The following KCNQ1OT1 variants were observed in gnomAD, a reference collection of about 807,000 sequenced individuals.
KCNQ1OT1 encodes KCNQ1 opposite strand/antisense transcript 1.
chr11:2,615,381 A>G (rs550543427), exon 1 of KCNQ1OT1: 2 of 398,020 alleles, frequency 5.0e-6, no homozygotes, highest in African/African-American at 2.1e-5. Context: ...GATGCTATTC[A>G]TTTACCTGTT....
At chr11:2,675,022 TGCCAGA>T (rs1410727688) in exon 1 of KCNQ1OT1, 4 of 398,596 alleles carry the variant, frequency 1.0e-5, no homozygotes, top group Non-Finnish European at 1.8e-5. Flanking sequence ...CTGACTTCTC[TGCCAGA>T]GCCCAGGTGG....
At chr11:2,643,845 C>T (rs770361058) in exon 1 of KCNQ1OT1, 9 of 398,506 alleles carry the variant, frequency 2.3e-5, no homozygotes, top group East Asian at 7.1e-5. Context: ...TCATTTCTGA[C>T]GAATATAACT....
In KCNQ1OT1 at chr11:2,677,202, T is replaced by C; in HGVS notation, n.22793A>G. ...TTGTATCTCTGCTGACTGACCTCTT[T>C]GGCTGTCTCTTGTCAACCAAAGACA... On this transcript the variant is annotated non_coding_transcript_exon_variant, in exon 1 of 1. Transcript: ENST00000597346. This position sits in a 1 kb window ranked among gnomAD's most constrained non-coding sequence, Gnocchi z 4.5. 2 of 398,672 alleles carry C rather than the reference T, an allele frequency of 5.0e-6. No individual in the cohort carries two copies. The highest frequency in any genetic ancestry group is 4.4e-6 in the Non-Finnish European group (1 of 226,070). The allele number at this position is 398,672 out of a possible 1,614,324, so 24.7% of individuals were successfully genotyped here. A position where few individuals can be genotyped will look rare whatever the true frequency, so the allele number is the denominator to read the frequency against.
exon 1 of KCNQ1OT1, chr11:2,643,172 G>T (rs1849606261): frequency 7.5e-6 from 3 of 398,120 alleles, no homozygotes; most frequent in Non-Finnish European, 8.9e-6. Flanking sequence ...TGTCTGTTAG[G>T]TCCATTTGGT....
rs774112666 is a variant in KCNQ1OT1, at chr11:2,627,701, T to C, written n.72294A>G. 2.0e-5 allele frequency: 8 copies of C among 398,462 alleles called. No individual in the cohort carries two copies. The highest frequency in any genetic ancestry group is 8.2e-5 in the African/African-American group (4 of 48,608). 24.7% of individuals were successfully genotyped at this position (398,462 alleles called of 1,614,324 possible). On this transcript the variant is annotated non_coding_transcript_exon_variant, in exon 1 of 1. Transcript: ENST00000597346. This position sits in a 1 kb window ranked among gnomAD's most constrained non-coding sequence, Gnocchi z 4.9. ...GTGTGTGTGTGTGTCTGTATGTATATGTATGTGATGTGTTTATTTGGGAAT... is the reference window on the plus strand; with the variant it reads ...GTGTGTGTGTGTGTCTGTATGTATACGTATGTGATGTGTTTATTTGGGAAT...
exon 1 of KCNQ1OT1, chr11:2,631,837 T>G: frequency 2.5e-6 from 1 of 398,548 alleles, no homozygotes; most frequent in Non-Finnish European, 4.4e-6. Flanking sequence ...GTCGTGTAAA[T>G]AGAGTTGTGT....
In KCNQ1OT1 at chr11:2,632,776, A is replaced by T. The variant is rs140132874; in HGVS notation, n.67219T>A. 2.7e-4 allele frequency: 109 copies of T among 398,414 alleles called. 1 individual carries two copies. The East Asian group carries it at 3.9e-3, about 14-fold the overall frequency. 24.7% of individuals were successfully genotyped at this position (398,414 alleles called of 1,614,324 possible). On this transcript the variant is annotated non_coding_transcript_exon_variant, in exon 1 of 1. Transcript: ENST00000597346. ...CTTAATGCTTTATTATGACTGAATA[A>T]TATTCCATTGTGTATACATACCACA...
chr11:2,622,542 A>G, exon 1 of KCNQ1OT1: 1 of 398,482 alleles, frequency 2.5e-6, no homozygotes, highest in Non-Finnish European at 4.4e-6. Flanking sequence ...ACTTACATTT[A>G]AAGTACTTAC....
At chr11:2,680,706 T>C (rs1438437303) in exon 1 of KCNQ1OT1, 1 of 398,412 alleles carries the variant, frequency 2.5e-6, no homozygotes, top group Non-Finnish European at 4.4e-6. Flanking sequence ...CCCCCTTTTA[T>C]AGCTACCCCC....
rs1011878447 is a variant in KCNQ1OT1, at chr11:2,667,417, G to A, written n.32578C>T. 1.3e-5 allele frequency: 5 copies of A among 398,588 alleles called. No individual in the cohort carries two copies. In the Admixed American group the frequency reaches 1.8e-4, roughly 14 times the overall value. The allele number at this position is 398,588 out of a possible 1,614,324, so 24.7% of individuals were successfully genotyped here. A position where few individuals can be genotyped will look rare whatever the true frequency, so the allele number is the denominator to read the frequency against. ...TGGCCAGGCTCAGCCCTCTCCACTT[G>A]TGAACTCCCAGCCATGATGCTGCTC... On this transcript the variant is annotated non_coding_transcript_exon_variant, in exon 1 of 1. Transcript: ENST00000597346.
exon 1 of KCNQ1OT1, chr11:2,696,715 G>C (rs1850682480): frequency 5.0e-6 from 2 of 398,610 alleles, no homozygotes; most frequent in East Asian, 7.1e-5. Flanking sequence ...CATATGGAAA[G>C]ATCTCCCTCT....
chr11:2,621,976 C>T lies in KCNQ1OT1; in HGVS notation n.78019G>A. On this transcript the variant is annotated non_coding_transcript_exon_variant, in exon 1 of 1. Coordinates refer to ENST00000597346, the Ensembl canonical transcript of KCNQ1OT1. This position sits in a 1 kb window ranked among gnomAD's most constrained non-coding sequence, Gnocchi z 5.7. Reference sequence around the variant, plus strand: ...TACAATTTTGGGCTATTTGAAATATCTCTTCTTTTTTAATGTAGGCAAGGC... The same window carrying T: ...TACAATTTTGGGCTATTTGAAATATTTCTTCTTTTTTAATGTAGGCAAGGC... The T allele has an allele frequency of 5.0e-6, 2 of 398,142 alleles. No homozygotes were observed. Among genetic ancestry groups the T allele is most frequent in the Non-Finnish European group, 8.9e-6 (2 of 225,898 alleles). The allele number at this position is 398,142 out of a possible 1,614,324, so 24.7% of individuals were successfully genotyped here.
At position 2,669,474 on chromosome 11, in the gene KCNQ1OT1, T is replaced by C. The variant is rs1850143390; in HGVS notation, n.30521A>G. On this transcript the variant is annotated non_coding_transcript_exon_variant, in exon 1 of 1. Transcript: ENST00000597346. This position sits in a 1 kb window ranked among gnomAD's most constrained non-coding sequence, Gnocchi z 5.6. ...CCTGTAGTTTTCAGTGTGGTGGTCATGAACAGCTTGTCAGATTCATTCCTT... is the reference window on the plus strand; with the variant it reads ...CCTGTAGTTTTCAGTGTGGTGGTCACGAACAGCTTGTCAGATTCATTCCTT... The C allele has an allele frequency of 7.5e-6, 3 of 398,548 alleles. No individual in the cohort carries two copies. The highest frequency in any genetic ancestry group is 1.3e-4 in the South Asian group (1 of 7,866). 24.7% of individuals were successfully genotyped at this position (398,548 alleles called of 1,614,324 possible). A position where few individuals can be genotyped will look rare whatever the true frequency, so the allele number is the denominator to read the frequency against.
At position 2,692,040 on chromosome 11, in the gene KCNQ1OT1, C is replaced by G. The variant is rs142682877; in HGVS notation, n.7955G>C. Reference sequence around the variant, plus strand: ...AGACCACCTGTGAGGCCCTGACCCCCCAAATGTCTCTCCAACCCAGCCAGA... The same window carrying G: ...AGACCACCTGTGAGGCCCTGACCCCGCAAATGTCTCTCCAACCCAGCCAGA... On this transcript the variant is annotated non_coding_transcript_exon_variant, in exon 1 of 1. Transcript: ENST00000597346. 265 of 398,770 alleles carry G rather than the reference C, an allele frequency of 6.6e-4. No homozygotes were observed. The highest frequency in any genetic ancestry group is 9.7e-4 in the Non-Finnish European group (220 of 226,174). The allele number at this position is 398,770 out of a possible 1,614,324, so 24.7% of individuals were successfully genotyped here.
In KCNQ1OT1 at chr11:2,654,659, G is replaced by A; in HGVS notation, n.45336C>T. 2.5e-6 allele frequency: 1 copy of A among 399,002 alleles called. No individual in the cohort carries two copies. Among genetic ancestry groups the A allele is most frequent in the East Asian group, 3.6e-5 (1 of 28,070 alleles). 24.7% of individuals were successfully genotyped at this position (399,002 alleles called of 1,614,324 possible). A position where few individuals can be genotyped will look rare whatever the true frequency, so the allele number is the denominator to read the frequency against. The stretch of plus-strand genomic sequence containing the variant: ...GGCGAGAGTCTCTTGAGGGCAGAGG[G>A]CAGCAGAGATGGGCTGGAGCTTTGA... On this transcript the variant is annotated non_coding_transcript_exon_variant, in exon 1 of 1. Transcript: ENST00000597346. The surrounding 1 kb of genome is among the most constrained non-coding windows in gnomAD (Gnocchi z 6.4).
rs1232189045 is a variant in KCNQ1OT1, at chr11:2,626,496, CAT to C, written n.73497_73498del. 10 of 398,456 alleles carry C rather than the reference CAT, an allele frequency of 2.5e-5. No individual in the cohort carries two copies. Among genetic ancestry groups the C allele is most frequent in the Admixed American group, 4.4e-5 (1 of 22,696 alleles). 24.7% of individuals were successfully genotyped at this position (398,456 alleles called of 1,614,324 possible). A position where few individuals can be genotyped will look rare whatever the true frequency, so the allele number is the denominator to read the frequency against. ...TCTCTACATCTTTATGTCAATACCACATAGTTTTGATTACTGTAGCTTCGTAA... is the reference window on the plus strand; with the variant it reads ...TCTCTACATCTTTATGTCAATACCACAGTTTTGATTACTGTAGCTTCGTAA... On this transcript the variant is annotated non_coding_transcript_exon_variant, in exon 1 of 1. Coordinates refer to ENST00000597346, the Ensembl canonical transcript of KCNQ1OT1. The surrounding 1 kb of genome is among the most constrained non-coding windows in gnomAD (Gnocchi z 4.0).
rs72850203 is a variant in KCNQ1OT1 at position 2,610,392 on chromosome 11, C to T, written n.89603G>A. The T allele has an allele frequency of 0.01, 4,159 of 398,202 alleles. 37 individuals carry two copies. The highest frequency in any genetic ancestry group is 0.016 in the Non-Finnish European group (3,592 of 225,940). The allele number at this position is 398,202 out of a possible 1,614,324, so 24.7% of individuals were successfully genotyped here. ...ATCTTTAAAGAAGCTGAAAGGAGAGCAAGTATATATTTCTAGTTTCTGTTT... is the reference window on the plus strand; with the variant it reads ...ATCTTTAAAGAAGCTGAAAGGAGAGTAAGTATATATTTCTAGTTTCTGTTT... On this transcript the variant is annotated non_coding_transcript_exon_variant, in exon 1 of 1. Transcript: ENST00000597346.
In KCNQ1OT1 at chr11:2,683,029, G is replaced by A. The variant is rs1850424520; in HGVS notation, n.16966C>T. 7.5e-6 allele frequency: 3 copies of A among 398,680 alleles called. No individual in the cohort carries two copies. The highest frequency in any genetic ancestry group is 8.8e-5 in the Admixed American group (2 of 22,730). The allele number at this position is 398,680 out of a possible 1,614,324, so 24.7% of individuals were successfully genotyped here. On this transcript the variant is annotated non_coding_transcript_exon_variant, in exon 1 of 1. Transcript: ENST00000597346. This position sits in a 1 kb window ranked among gnomAD's most constrained non-coding sequence, Gnocchi z 4.7. ...GCCTTAGTTCTGCCTCCTGAGAGAG[G>A]TGACCTTCTCCCACTTCTTACAGGC...
chr11:2,645,738 T>C lies in KCNQ1OT1; in HGVS notation n.54257A>G. 1 of 398,834 alleles carries C rather than the reference T, an allele frequency of 2.5e-6. No homozygotes were observed. Among genetic ancestry groups the C allele is most frequent in the Non-Finnish European group, 4.4e-6 (1 of 226,240 alleles). 24.7% of individuals were successfully genotyped at this position (398,834 alleles called of 1,614,324 possible). A position where few individuals can be genotyped will look rare whatever the true frequency, so the allele number is the denominator to read the frequency against. On this transcript the variant is annotated non_coding_transcript_exon_variant, in exon 1 of 1. Transcript: ENST00000597346. The surrounding 1 kb of genome is among the most constrained non-coding windows in gnomAD (Gnocchi z 5.8). ...ACCAGCTTTGTGTAAGGGATGTCCATGGGGCTCCAGGGATGAGATAGAGGG... is the reference window on the plus strand; with the variant it reads ...ACCAGCTTTGTGTAAGGGATGTCCACGGGGCTCCAGGGATGAGATAGAGGG...
Sources: allele counts gnomAD v4.1 joint callset, GRCh38; gene constraint gnomAD v4.1.1; non-coding constraint Gnocchi (gnomAD v3.1); transcripts MANE v1.5; gene names NCBI Gene and HGNC (gene_info 2026-07-23, HGNC 2026-07-21).